Variants in MMP24 observed in about 807,000 individuals in gnomAD.
MMP24 encodes the protein matrix metallopeptidase 24.
MMP24 carries 25 observed loss-of-function variants against 62.8 expected under a neutral mutation model. The observed-to-expected ratio is 0.40, with a 90% CI of 0.29 to 0.56. The LOEUF is 0.56. MMP24 is among the 20% of genes least tolerant of loss of function. The pLI, the probability that MMP24 is intolerant of heterozygous loss-of-function variation, is 0.50. For missense variants in MMP24, 634 were observed against 853.6 expected (o/e 0.74, Z 3.21); for synonymous variants, 319 against 350.5 (o/e 0.91, Z 1.00).
In MMP24 at chr20:35,269,631, G is replaced by A. The variant is rs2060656063; in HGVS notation, c.1195-129G>A. ...CTGTCTTCCTCCCAGGGCTTTAAAA[G>A]TCAGAAGCAGCTAATGGACAGTCTC... is the stretch of plus-strand genomic sequence containing the variant. On this transcript the variant is annotated intron_variant, in intron 6 of 8. Coordinates refer to ENST00000246186, the MANE Select transcript of MMP24 (RefSeq NM_006690.4). This position sits in a 1 kb window ranked among gnomAD's most constrained non-coding sequence, Gnocchi z 4.6. The A allele has an allele frequency of 8.5e-7, 1 of 1,172,822 alleles. No homozygotes were observed. Among genetic ancestry groups the A allele is most frequent in the East Asian group, 2.6e-5 (1 of 38,888 alleles). 72.7% of individuals were successfully genotyped at this position (1,172,822 alleles called of 1,614,324 possible). A position where few individuals can be genotyped will look rare whatever the true frequency, so the allele number is the denominator to read the frequency against.
Position 35,269,964 on chromosome 20 carries a change from A to G in MMP24, c.1333+66A>G. The G allele has an allele frequency of 6.5e-7, 1 of 1,537,164 alleles. No homozygotes were observed. The highest frequency in any genetic ancestry group is 8.8e-7 in the Non-Finnish European group (1 of 1,137,794). ...TCTTGGGACCTCCTTTTTCCCATCT[A>G]AACTGGAAGAGGCGGGGTGGGAGGC... On this transcript the variant is annotated intron_variant, in intron 7 of 8. Coordinates refer to ENST00000246186, the MANE Select transcript of MMP24 (RefSeq NM_006690.4). This position sits in a 1 kb window ranked among gnomAD's most constrained non-coding sequence, Gnocchi z 4.6.
intron 4 of MMP24, among the ~76,000 whole-genome samples, chr20:35,255,105 T>G (rs1600791300): frequency 6.6e-6 from 1 of 152,000 alleles, no homozygotes; most frequent in East Asian, 1.9e-4. Context: ...CCAAGGCAGG[T>G]GGATCACCTG....
intron 4 of MMP24, among the ~76,000 whole-genome samples, chr20:35,258,947 AG>A (rs370996354): frequency 0.01 from 1,546 of 152,176 alleles, 19 homozygotes; most frequent in African/African-American, 0.035. Flanking sequence ...TGGGAGGCCG[AG>A]GGGGGGCAGA....
chr20:35,255,283 A>G (rs566269593), intron 4 of MMP24, among the ~76,000 whole-genome samples: 1 of 152,198 alleles, frequency 6.6e-6, no homozygotes, highest in African/African-American at 2.4e-5. Flanking sequence ...GTGAGCCGAG[A>G]TCGCACCATT....
intron 1 of MMP24, chr20:35,236,047 C>G (rs953943088): frequency 1.3e-5 from 2 of 152,292 alleles, no homozygotes; most frequent in African/African-American, 2.4e-5. Context: ...GGACATTCTG[C>G]AGAGCGCCAG....
chr20:35,246,790 A>G, intron 1 of MMP24, 50 bp from the exon 2 acceptor site: 1 of 1,603,790 alleles, frequency 6.2e-7, no homozygotes, highest in African/African-American at 1.3e-5. Flanking sequence ...CCCAGGTAGA[A>G]CAGAGCCTTT....
chr20:35,273,594 GT>G (rs2060685345), intron 8 of MMP24, among the ~76,000 whole-genome samples: 1 of 152,150 alleles, frequency 6.6e-6, no homozygotes, highest in African/African-American at 2.4e-5. Flanking sequence ...TCAGAGACAG[GT>G]GACATCAAGG....
intron 2 of MMP24, among the ~76,000 whole-genome samples, chr20:35,248,156 G>A (rs146459654): frequency 1.3e-5 from 2 of 152,092 alleles, no homozygotes; most frequent in South Asian, 2.1e-4. Context: ...GGGAGTTGGT[G>A]GGGGGAGGAA....
intron 1 of MMP24, among the ~76,000 whole-genome samples, chr20:35,231,823 A>G (rs1429574565): frequency 6.6e-6 from 1 of 152,134 alleles, no homozygotes; most frequent in Admixed American, 6.5e-5. Context: ...AGGCCGAGGC[A>G]GGTGGATCAC....
intron 4 of MMP24, among the ~76,000 whole-genome samples, chr20:35,259,365 G>A (rs956128334): frequency 1.3e-5 from 2 of 152,110 alleles, no homozygotes; most frequent in African/African-American, 4.8e-5. Context: ...CATTCCGGGG[G>A]CTGTCACCTG....
At chr20:35,260,963 C>T (rs1055771688) in intron 4 of MMP24, among the ~76,000 whole-genome samples, 4 of 152,188 alleles carry the variant, frequency 2.6e-5, no homozygotes, top group Non-Finnish European at 5.9e-5. Flanking sequence ...CTCCTAGGTT[C>T]CTGGCAGCCT....
In MMP24 at chr20:35,274,360, G is replaced by A; in HGVS notation, c.1689G>A (p.Leu563=). 6.2e-7 allele frequency: 1 copy of A among 1,613,956 alleles called. No homozygotes were observed. Residue 563 remains leucine (L), a synonymous_variant, in exon 9 of 9, where the codon CTG becomes CTA. Coordinates refer to ENST00000246186, the MANE Select transcript of MMP24 (RefSeq NM_006690.4). The surrounding 1 kb of genome is among the most constrained non-coding windows in gnomAD (Gnocchi z 5.1). ...SVEPGYPRNI[L]RDWMGCNQKE... ...AGCCAGGCTACCCGCGCAACATCCT[G>A]CGTGACTGGATGGGCTGCAACCAGA...
At chr20:35,244,295 G>A (rs1235603071) in intron 1 of MMP24, among the ~76,000 whole-genome samples, 2 of 152,040 alleles carry the variant, frequency 1.3e-5, no homozygotes, top group Non-Finnish European at 2.9e-5. Flanking sequence ...ATCTAGATTC[G>A]AGCCCAGCAT....
chr20:35,266,233 T>A (rs540357001), intron 5 of MMP24, among the ~76,000 whole-genome samples: 74 of 142,514 alleles, frequency 5.2e-4, no homozygotes, highest in African/African-American at 1.3e-3. Context: ...GTGCCTGTAG[T>A]CCCAGCTACT....
At chr20:35,273,210 T>C (rs1278721183) in intron 8 of MMP24, among the ~76,000 whole-genome samples, 1 of 596 alleles carries the variant, frequency 1.7e-3, no homozygotes, top group Non-Finnish European at 3.5e-3. Flanking sequence ...CTGAGTAACA[T>C]AGTGAGATTC....
At chr20:35,228,237 C>T (rs2060423631) in intron 1 of MMP24, among the ~76,000 whole-genome samples, 2 of 152,076 alleles carry the variant, frequency 1.3e-5, no homozygotes, top group Non-Finnish European at 2.9e-5. Flanking sequence ...TAGGCGAGGA[C>T]CCCTAGATTT....
At chr20:35,267,481 T>C (rs2425031) in intron 6 of MMP24, 62 bp downstream of exon 6, 207,686 of 1,466,240 alleles carry the variant, frequency 0.14, 16,028 homozygotes, top group African/African-American at 0.28. Context: ...CTCCCCGACA[T>C]CATGGAGCTG....
chr20:35,231,389 G>A (rs779172423), intron 1 of MMP24, among the ~76,000 whole-genome samples: 5 of 152,084 alleles, frequency 3.3e-5, no homozygotes, highest in Non-Finnish European at 4.4e-5. Flanking sequence ...AAGCACCAAC[G>A]TATTCCCAAA....
At chr20:35,235,024 A>G (rs746375598) in intron 1 of MMP24, among the ~76,000 whole-genome samples, 3 of 152,236 alleles carry the variant, frequency 2.0e-5, no homozygotes, top group Admixed American at 6.5e-5. Flanking sequence ...TCGGCTTCAC[A>G]GTCAATCCAC....
Sources: allele counts gnomAD v4.1 joint callset (sites outside exome capture counted in the v4.1 genomes callset), GRCh38; gene constraint gnomAD v4.1.1; non-coding constraint Gnocchi (gnomAD v3.1); transcripts MANE v1.5; gene names NCBI Gene and HGNC (gene_info 2026-07-23, HGNC 2026-07-21).